RELN: variants seen among roughly 807,000 people sequenced by gnomAD.
RELN encodes reelin.
RELN carries 108 observed loss-of-function variants against 427.6 expected under a neutral mutation model. The ratio of observed to expected loss-of-function variants is 0.25; its 90% CI spans 0.22 to 0.30. The LOEUF (loss-of-function observed/expected upper bound fraction) is 0.30, where lower values mean the gene tolerates loss of function less well. Among genes scored for constraint, RELN ranks in the 10% least tolerant of loss-of-function variants. The pLI is 1.00. For synonymous variants in RELN, 1,524 were observed against 1,513.4 expected (o/e 1.01, Z -0.16); for missense variants, 3,715 against 4,302.8 (o/e 0.86, Z 3.82).
chr7:103,773,972 T>A (rs1467730090), intron 4 of RELN, among the ~76,000 whole-genome samples: 3 of 152,032 alleles, frequency 2.0e-5, no homozygotes, highest in African/African-American at 7.2e-5. Context: ...AGGACAGAGG[T>A]CTTGCAGGTG....
chr7:103,895,421 T>C (rs1001949057), intron 2 of RELN, among the ~76,000 whole-genome samples: 2 of 152,108 alleles, frequency 1.3e-5, no homozygotes, highest in Admixed American at 6.6e-5. Context: ...TTACCATCTG[T>C]TTGGTTTCTG....
intron 6 of RELN, among the ~76,000 whole-genome samples, chr7:103,739,457 C>T (rs1790583653): frequency 2.0e-5 from 3 of 152,184 alleles, no homozygotes; most frequent in Admixed American, 2.0e-4. Flanking sequence ...AGTGCAGCCA[C>T]ATTGAACACA....
intron 2 of RELN, among the ~76,000 whole-genome samples, chr7:103,890,259 T>C (rs1197078030): frequency 3.9e-5 from 6 of 151,982 alleles, no homozygotes; most frequent in Non-Finnish European, 7.4e-5. Context: ...TTCTTCTCAT[T>C]GCAGCTTTGG....
intron 2 of RELN, among the ~76,000 whole-genome samples, chr7:103,860,939 T>C (rs572907171): frequency 8.5e-5 from 13 of 152,280 alleles, no homozygotes; most frequent in East Asian, 5.8e-4. Flanking sequence ...GGAATATGTA[T>C]ATAAAATGCA....
chr7:103,575,424 A>C, intron 29 of RELN, 124 bp downstream of exon 29: 2 of 1,165,236 alleles, frequency 1.7e-6, no homozygotes, highest in Non-Finnish European at 2.5e-6. Flanking sequence ...GTGAATTCCT[A>C]CAATTCCTAG....
chr7:103,835,424 C>T (rs1793376346), intron 2 of RELN, among the ~76,000 whole-genome samples: 1 of 152,080 alleles, frequency 6.6e-6, no homozygotes, highest in African/African-American at 2.4e-5. Flanking sequence ...CAAGAGTGAA[C>T]CCTACTGTTA....
intron 14 of RELN, 60 bp from the exon 15 acceptor site, chr7:103,651,849 T>C: frequency 1.9e-6 from 3 of 1,570,980 alleles, no homozygotes; most frequent in Non-Finnish European, 2.6e-6. Context: ...ACAAATCAAA[T>C]GAAATTTTCA....
At chr7:103,821,650 G>A (rs1793018035) in intron 3 of RELN, among the ~76,000 whole-genome samples, 1 of 152,104 alleles carries the variant, frequency 6.6e-6, no homozygotes, top group Non-Finnish European at 1.5e-5. Context: ...GAGCATTAAT[G>A]CCTGCAGGAG....
chr7:103,521,281 A>C (rs1377453980), intron 48 of RELN, among the ~76,000 whole-genome samples: 2 of 152,042 alleles, frequency 1.3e-5, no homozygotes, highest in Non-Finnish European at 2.9e-5. Context: ...GCCCGGCCAA[A>C]TTTGTTATTT....
intron 1 of RELN, among the ~76,000 whole-genome samples, chr7:103,918,227 G>A (rs938496398): frequency 1.3e-5 from 2 of 152,118 alleles, no homozygotes; most frequent in Non-Finnish European, 2.9e-5. Flanking sequence ...TGGCATGGGG[G>A]ATTGGAACAA....
In RELN at chr7:103,517,138, A is replaced by C. The variant is rs369414749; in HGVS notation, c.7863-1697T>G. 8.7e-5 allele frequency among the ~76,000 whole-genome samples: 13 copies of C among 148,682 alleles called. No individual in the cohort carries two copies. The East Asian group carries it at 9.9e-4, about 11-fold the overall frequency. On this transcript the variant is annotated intron_variant, in intron 49 of 64. Coordinates refer to ENST00000428762, the MANE Select transcript of RELN (RefSeq NM_005045.4). ...AGTCTTTTCCGAAGTCTATTTCCTCATTTATGTCAATTTTGAAGCTCATCT... is the reference window on the plus strand; with the variant it reads ...AGTCTTTTCCGAAGTCTATTTCCTCCTTTATGTCAATTTTGAAGCTCATCT...
intron 17 of RELN, among the ~76,000 whole-genome samples, chr7:103,639,493 G>T (rs11976904): frequency 6.7e-6 from 1 of 149,724 alleles, no homozygotes; most frequent in African/African-American, 2.5e-5. Flanking sequence ...TCTACCTCCC[G>T]GGTTCAGGTG....
intron 1 of RELN, among the ~76,000 whole-genome samples, chr7:103,987,736 G>A (rs1057233755): frequency 1.3e-5 from 2 of 152,252 alleles, no homozygotes; most frequent in East Asian, 3.9e-4. Context: ...GCACTAGATT[G>A]TTCTTGGGAA....
At chr7:103,938,396 A>G (rs1180215778) in intron 1 of RELN, among the ~76,000 whole-genome samples, 1 of 152,208 alleles carries the variant, frequency 6.6e-6, no homozygotes, top group Non-Finnish European at 1.5e-5. Flanking sequence ...AAGACTGAGA[A>G]ACAACCTTAA....
At chr7:103,811,395 C>T (rs569629236) in intron 3 of RELN, among the ~76,000 whole-genome samples, 12 of 152,330 alleles carry the variant, frequency 7.9e-5, no homozygotes, top group African/African-American at 2.9e-4. Context: ...ACCTAACTCA[C>T]ACCCACATGA....
intron 6 of RELN, among the ~76,000 whole-genome samples, chr7:103,742,859 C>T (rs1351567576): frequency 6.6e-6 from 1 of 152,162 alleles, no homozygotes. Context: ...TCCAGGAGAA[C>T]TTCCCCAATC....
rs1271697356 is a variant in RELN, at chr7:103,573,379, C to A, written c.4511+713G>T. 6.6e-6 allele frequency among the ~76,000 whole-genome samples: 1 copy of A among 152,170 alleles called. No homozygotes were observed. Among genetic ancestry groups the A allele is most frequent in the Non-Finnish European group, 1.5e-5 (1 of 68,042 alleles). ...TTCAGTCAGTACGATGTAAATTATGCCTCAGTCCATAGCGACTGACAGAGA... is the reference window on the plus strand; with the variant it reads ...TTCAGTCAGTACGATGTAAATTATGACTCAGTCCATAGCGACTGACAGAGA... On this transcript the variant is annotated intron_variant, in intron 30 of 64. Coordinates refer to ENST00000428762, the MANE Select transcript of RELN (RefSeq NM_005045.4). This position sits in a 1 kb window ranked among gnomAD's most constrained non-coding sequence, Gnocchi z 4.4.
intron 2 of RELN, among the ~76,000 whole-genome samples, chr7:103,842,950 G>C (rs1793589086): frequency 6.6e-6 from 1 of 152,142 alleles, no homozygotes; most frequent in East Asian, 1.9e-4. Flanking sequence ...GCCACGTTTA[G>C]AGAGGCAGGA....
At chr7:103,673,475 T>C (rs189816837) in intron 11 of RELN, among the ~76,000 whole-genome samples, 324 of 152,232 alleles carry the variant, frequency 2.1e-3, no homozygotes, top group African/African-American at 7.5e-3. Flanking sequence ...TAATTCCAAG[T>C]TTTTATTAAA....
Sources: gnomAD v4.1 joint callset for allele counts (sites outside exome capture counted in the v4.1 genomes callset) on GRCh38, gnomAD v4.1.1 for gene constraint, Gnocchi (gnomAD v3.1) non-coding constraint, MANE v1.5 for transcripts, NCBI Gene and HGNC (gene_info 2026-07-23, HGNC 2026-07-21) for gene names.